Variants in PTPRO observed in about 807,000 individuals in gnomAD.
PTPRO encodes the protein receptor-type tyrosine-protein phosphatase O.
In PTPRO, 62 loss-of-function variants were observed where a neutral mutation model predicts 145.2. The ratio of observed to expected loss-of-function variants is 0.43; its 90% CI spans 0.35 to 0.53. PTPRO has a LOEUF of 0.53. PTPRO is among the 20% of genes least tolerant of loss of function. The probability of loss-of-function intolerance (pLI) is 0.01; values close to 1 mark genes in which losing one functional copy is unlikely to be tolerated. For missense variants in PTPRO, 1,345 were observed against 1,482.7 expected, an observed-to-expected ratio of 0.91 and a Z score of 1.53; for synonymous variants, 565 against 514.7, an observed-to-expected ratio of 1.10 and a Z score of -1.32.
intron 1 of PTPRO, among the ~76,000 whole-genome samples, chr12:15,378,953 A>T (rs1047574591): frequency 6.6e-6 from 1 of 152,200 alleles, no homozygotes; most frequent in African/African-American, 2.4e-5. Flanking sequence ...TCAGTGGAGA[A>T]ATGCAAATCA....
chr12:15,479,158 A>C (rs1941724624), intron 1 of PTPRO, among the ~76,000 whole-genome samples: 1 of 152,200 alleles, frequency 6.6e-6, no homozygotes, highest in African/African-American at 2.4e-5. Context: ...ATGAAGGGGA[A>C]GAAGGCATCT....
intron 18 of PTPRO, among the ~76,000 whole-genome samples, chr12:15,567,470 CCCTT>C (rs1204649763): frequency 6.6e-6 from 1 of 152,052 alleles, no homozygotes; most frequent in African/African-American, 2.4e-5. Context: ...TTCTCCTTCT[CCCTT>C]ATGTCCATTC....
chr12:15,342,760 A>G (rs1867045607), intron 1 of PTPRO, among the ~76,000 whole-genome samples: 1 of 152,070 alleles, frequency 6.6e-6, no homozygotes, highest in Non-Finnish European at 1.5e-5. Flanking sequence ...TGTACCCAAA[A>G]TCTTCCCATG....
At chr12:15,421,200 C>T (rs142003070) in intron 1 of PTPRO, among the ~76,000 whole-genome samples, 607 of 152,294 alleles carry the variant, frequency 4.0e-3, no homozygotes, top group Non-Finnish European at 5.2e-3. Context: ...CCTTTTACAT[C>T]CCTATCTTGC....
intron 1 of PTPRO, chr12:15,346,733 T>C (rs1867230227): frequency 2.0e-5 from 3 of 152,224 alleles, no homozygotes; most frequent in Non-Finnish European, 4.4e-5. Flanking sequence ...GACCAACAGC[T>C]AACTCAGTTA....
chr12:15,460,367 T>C (rs981854565), intron 1 of PTPRO, among the ~76,000 whole-genome samples: 1 of 152,186 alleles, frequency 6.6e-6, no homozygotes, highest in South Asian at 2.1e-4. Flanking sequence ...AGCCCTACTC[T>C]AAAGCACAAT....
At chr12:15,424,509 T>A (rs1161962086) in intron 1 of PTPRO, among the ~76,000 whole-genome samples, 2 of 152,018 alleles carry the variant, frequency 1.3e-5, no homozygotes, top group African/African-American at 4.8e-5. Flanking sequence ...AGAAATAAAC[T>A]AGTGATGGCC....
intron 10 of PTPRO, among the ~76,000 whole-genome samples, chr12:15,523,923 T>C (rs2136522585): frequency 6.6e-6 from 1 of 151,928 alleles, no homozygotes; most frequent in South Asian, 2.1e-4. Flanking sequence ...TCAGCCTCCC[T>C]AGTAGGTGGG....
chr12:15,513,917 T>A (rs1351197983), intron 7 of PTPRO, among the ~76,000 whole-genome samples: 1 of 152,156 alleles, frequency 6.6e-6, no homozygotes, highest in Non-Finnish European at 1.5e-5. Context: ...CCCATGCTAA[T>A]AATGAGTAGA....
At chr12:15,508,315 T>G (rs1263638822) in intron 6 of PTPRO, among the ~76,000 whole-genome samples, 1 of 152,144 alleles carries the variant, frequency 6.6e-6, no homozygotes, top group Non-Finnish European at 1.5e-5. Context: ...CAGAATACTC[T>G]CACATGCACA....
In PTPRO at chr12:15,560,230, T is replaced by G. The variant is rs1490817063; in HGVS notation, c.2665T>G (p.Ser889Ala). The G allele has an allele frequency of 1.4e-5, 22 of 1,597,030 alleles. No individual in the cohort carries two copies. Among genetic ancestry groups the G allele is most frequent in the Non-Finnish European group, 1.8e-5 (21 of 1,164,762 alleles). ...SIFAFLTLLP[S>A]CLWTDYLLAF... ...ATTTGCTTTCTTAACCCTGCTACCCTCATGTCTTTGGACTGATTATCTTTT... is the reference window on the plus strand; with the variant it reads ...ATTTGCTTTCTTAACCCTGCTACCCGCATGTCTTTGGACTGATTATCTTTT... Residue 889 changes from serine (S) to alanine (A), a missense_variant, in exon 17 of 27, where the codon TCA becomes GCA. Physicochemically the swap from Ser to Ala is moderately conservative, Grantham distance 99. This residue lies in a region of PTPRO where 1,130 missense variants were observed against 1,214.7 expected (regional missense o/e 0.93). Transcript: ENST00000281171.
chr12:15,338,820 G>C (rs1217887807), intron 1 of PTPRO, among the ~76,000 whole-genome samples: 1 of 152,122 alleles, frequency 6.6e-6, no homozygotes, highest in African/African-American at 2.4e-5. Flanking sequence ...GGAAAAGAAT[G>C]GATGAAGTAT....
intron 1 of PTPRO, among the ~76,000 whole-genome samples, chr12:15,392,638 T>C (rs1254693227): frequency 6.7e-6 from 1 of 150,120 alleles, no homozygotes; most frequent in Non-Finnish European, 1.5e-5. Flanking sequence ...GGAGAATTGC[T>C]TGAACCTCGG....
chr12:15,546,370 G>T, intron 12 of PTPRO, 199 bp from the exon 13 acceptor site: 6 of 1,413,744 alleles, frequency 4.2e-6, no homozygotes, highest in Non-Finnish European at 5.5e-6. Context: ...AAATGGAAGG[G>T]GGAAAAGGCA....
intron 13 of PTPRO, 114 bp downstream of exon 13, chr12:15,546,822 G>T: frequency 1.4e-6 from 2 of 1,440,870 alleles, no homozygotes; most frequent in Non-Finnish European, 1.9e-6. Context: ...CTGTTTATTT[G>T]CTCTTTTGTG....
At chr12:15,395,445 T>C (rs1470047030) in intron 1 of PTPRO, among the ~76,000 whole-genome samples, 3 of 152,086 alleles carry the variant, frequency 2.0e-5, no homozygotes, top group African/African-American at 4.8e-5. Flanking sequence ...AGTCAAAATA[T>C]AAGAGAGTTC....
At position 15,557,517 on chromosome 12, in the gene PTPRO, A is replaced by G. The variant is rs780102288; in HGVS notation, c.2621A>G (p.Tyr874Cys). 2 of 1,612,902 alleles carry G rather than the reference A, an allele frequency of 1.2e-6. No individual in the cohort carries two copies. The highest frequency in any genetic ancestry group is 1.7e-5 in the Admixed American group (1 of 60,006). The change falls in exon 16 of 27, where the codon TAC becomes TGC. Residue 874 changes from tyrosine to cysteine, a missense_variant. Tyr to Cys is a radical substitution (Grantham distance 194). This residue lies in a region of PTPRO where 1,130 missense variants were observed against 1,214.7 expected (regional missense o/e 0.93). Coordinates refer to ENST00000281171, the MANE Select transcript of PTPRO (RefSeq NM_030667.3). The stretch of plus-strand genomic sequence containing the variant: ...TTAGAGAGGGATGGAAAGCTTCCAT[A>G]CAACTGGTGAGTATTGTTTTGGAAC... ...ASLERDGKLP[Y>C]NWRRSIFAFL...
At chr12:15,497,119 G>A in intron 2 of PTPRO, 126 bp from the exon 3 acceptor site, 2 of 842,158 alleles carry the variant, frequency 2.4e-6, no homozygotes, top group Non-Finnish European at 4.0e-6. Flanking sequence ...GGAGTTTAGT[G>A]CCCACAGACA....
intron 1 of PTPRO, among the ~76,000 whole-genome samples, chr12:15,455,316 C>T (rs573538499): frequency 8.0e-5 from 12 of 150,076 alleles, no homozygotes; most frequent in East Asian, 5.8e-4. Context: ...CCTTCCCCCC[C>T]ACACACACAA....
Sources: allele counts gnomAD v4.1 joint callset (sites outside exome capture counted in the v4.1 genomes callset), GRCh38; gene constraint gnomAD v4.1.1; regional missense constraint gnomAD v4.1.1; transcripts MANE v1.5; gene names NCBI Gene and HGNC (gene_info 2026-07-23, HGNC 2026-07-21).